Variants in ERICH1 observed in about 807,000 individuals in gnomAD.
The protein encoded by ERICH1 is glutamate rich 1, also known as glutamate-rich protein 1.
ERICH1 carries 56 observed loss-of-function variants against 39.6 expected under a neutral mutation model. The observed-to-expected ratio is 1.41, with a 90% CI of 1.14 to 1.77. The LOEUF (loss-of-function observed/expected upper bound fraction) is 1.77. Among genes scored for constraint, ERICH1 ranks in the 40% most tolerant of loss-of-function variants. The pLI is 0.00. For synonymous variants in ERICH1, 313 were observed against 223.6 expected (o/e 1.40, Z -3.57); for missense variants, 826 against 575.4 (o/e 1.44, Z -4.45).
At chr8:665,821 G>A (rs1802137968) in intron 5 of ERICH1, among the ~76,000 whole-genome samples, 1 of 152,174 alleles carries the variant, frequency 6.6e-6, no homozygotes, top group Non-Finnish European at 1.5e-5. Context: ...GTGACCAGCA[G>A]AAAACACCCA....
intron 3 of ERICH1, among the ~76,000 whole-genome samples, chr8:674,454 C>T (rs1804200588): frequency 6.6e-6 from 1 of 152,108 alleles, no homozygotes. Context: ...AGGCAAGCAC[C>T]ACCATGCCCA....
At chr8:693,205 GAC>G (rs1318121619) in intron 2 of ERICH1, among the ~76,000 whole-genome samples, 5 of 151,570 alleles carry the variant, frequency 3.3e-5, no homozygotes, top group South Asian at 4.2e-4. Context: ...AACACACACA[GAC>G]ACAGACATGT....
intron 2 of ERICH1, among the ~76,000 whole-genome samples, chr8:705,433 T>A (rs922044798): frequency 6.6e-6 from 1 of 152,186 alleles, no homozygotes; most frequent in Middle Eastern, 3.2e-3. Context: ...AATTATAACA[T>A]TTTTCCTTTA....
intron 2 of ERICH1, among the ~76,000 whole-genome samples, chr8:693,935 G>C (rs1406526991): frequency 6.6e-6 from 1 of 152,200 alleles, no homozygotes; most frequent in Admixed American, 6.5e-5. Flanking sequence ...GAAGGTAGCA[G>C]GGCCACTTCC....
chr8:683,507 G>T (rs180974205), intron 3 of ERICH1, among the ~76,000 whole-genome samples: 1 of 151,956 alleles, frequency 6.6e-6, no homozygotes, highest in African/African-American at 2.4e-5. Context: ...ATGGATTCTC[G>T]CTCTCTCTCT....
At chr8:616,534 C>G in intron 3 of ERICH1, 1 of 455,942 alleles carries the variant, frequency 2.2e-6, no homozygotes, top group Non-Finnish European at 4.4e-6. Context: ...CTGGGGACCA[C>G]AACACGCACA....
intron 1 of ERICH1, among the ~76,000 whole-genome samples, chr8:720,324 G>A (rs1221343749): frequency 2.0e-5 from 3 of 152,144 alleles, no homozygotes; most frequent in Admixed American, 6.5e-5. Context: ...ATGGCAGAAC[G>A]CTGAGGTACC....
chr8:703,721 T>G (rs1156241460), intron 2 of ERICH1, among the ~76,000 whole-genome samples: 2 of 152,130 alleles, frequency 1.3e-5, no homozygotes, highest in African/African-American at 2.4e-5. Context: ...AAGATGAAAT[T>G]TGAGAAAATC....
intron 3 of ERICH1, among the ~76,000 whole-genome samples, chr8:688,918 C>G (rs1406198237): frequency 1.3e-5 from 2 of 152,198 alleles, no homozygotes; most frequent in Non-Finnish European, 2.9e-5. Context: ...TTTTACATAA[C>G]TGCTAGTGAC....
intron 3 of ERICH1, among the ~76,000 whole-genome samples, chr8:687,919 G>C (rs776032403): frequency 6.6e-6 from 1 of 152,116 alleles, no homozygotes; most frequent in Admixed American, 6.5e-5. Context: ...CGGCACCCAG[G>C]TTTCCCGAGC....
At chr8:635,855 A>G (rs1563173035) in intron 3 of ERICH1, among the ~76,000 whole-genome samples, 1 of 152,076 alleles carries the variant, frequency 6.6e-6, no homozygotes, top group African/African-American at 2.4e-5. Context: ...TGTTCAACCA[A>G]CTCTGGATCC....
At chr8:713,707 T>G (rs1431558718) in intron 2 of ERICH1, among the ~76,000 whole-genome samples, 1 of 152,120 alleles carries the variant, frequency 6.6e-6, no homozygotes, top group Non-Finnish European at 1.5e-5. Context: ...GAAGGTGATT[T>G]GTGGGATGAC....
At chr8:704,225 C>T (rs1045975053) in intron 2 of ERICH1, among the ~76,000 whole-genome samples, 3 of 152,160 alleles carry the variant, frequency 2.0e-5, no homozygotes, top group Non-Finnish European at 2.9e-5. Context: ...TACTAACGAA[C>T]GCATTTCAAC....
intron 2 of ERICH1, among the ~76,000 whole-genome samples, chr8:696,794 C>T (rs1202153702): frequency 9.1e-6 from 1 of 110,128 alleles, no homozygotes; most frequent in Non-Finnish European, 1.9e-5. Flanking sequence ...TCGCTCCTCT[C>T]ACCCTCCACT....
chr8:674,296 C>CTTTTTTT lies in ERICH1; in HGVS notation c.305-256_305-250dup, dbSNP rs11372589. Among the ~76,000 whole-genome samples the CTTTTTTT allele has an allele frequency of 2.7e-5, 3 of 109,802 alleles. 1 individual carries two copies. Among genetic ancestry groups the CTTTTTTT allele is most frequent in the Non-Finnish European group, 5.2e-5 (3 of 57,544 alleles). The allele number at this position is 109,802 out of a possible 152,430, so 72.0% of individuals were successfully genotyped here. On this transcript the variant is annotated intron_variant, in intron 3 of 5. Transcript: ENST00000262109. ...GTTTTGAAGGATGTACAAGTTGTTG[C>CTTTTTTT]TTTTTTTTTTTTTTTTTTTTTCCTG...
intron 3 of ERICH1, among the ~76,000 whole-genome samples, chr8:616,855 A>G (rs1272450403): frequency 7.5e-6 from 1 of 133,894 alleles, no homozygotes; most frequent in African/African-American, 3.0e-5. Context: ...GGAGACAGAA[A>G]GAGACAGAGA....
chr8:617,525 A>T (rs913515111), intron 3 of ERICH1, among the ~76,000 whole-genome samples: 8 of 151,942 alleles, frequency 5.3e-5, no homozygotes, highest in Admixed American at 2.6e-4. Flanking sequence ...TGCTTGGTCC[A>T]TCCTCACTGC....
chr8:701,776 T>A (rs1277087845), intron 2 of ERICH1, among the ~76,000 whole-genome samples: 2 of 152,066 alleles, frequency 1.3e-5, no homozygotes, highest in Non-Finnish European at 2.9e-5. Flanking sequence ...TTCTAAACAA[T>A]GGAAGACACT....
intron 2 of ERICH1, among the ~76,000 whole-genome samples, chr8:701,143 G>A (rs887806868): frequency 6.6e-6 from 1 of 152,282 alleles, no homozygotes; most frequent in African/African-American, 2.4e-5. Context: ...CAGAGCAAGG[G>A]CTGGAGAAGA....
Sources: gnomAD v4.1 joint callset for allele counts (sites outside exome capture counted in the v4.1 genomes callset) on GRCh38, gnomAD v4.1.1 for gene constraint, MANE v1.5 for transcripts, NCBI Gene and HGNC (gene_info 2026-07-23, HGNC 2026-07-21) for gene names.